The following LRRK1 variants were observed in gnomAD, a reference collection of about 807,000 sequenced individuals.
LRRK1 encodes leucine-rich repeat serine/threonine-protein kinase 1.
Under a neutral mutation model 209.1 loss-of-function variants are expected in LRRK1, and 113 were observed. The ratio of observed to expected loss-of-function variants is 0.54; its 90% confidence interval spans 0.46 to 0.63. LRRK1 has a LOEUF of 0.63. LRRK1 is among the 30% of genes least tolerant of loss of function. The pLI is 0.00. For missense variants in LRRK1, 2,284 were observed against 2,632.2 expected, an observed-to-expected ratio of 0.87 and a Z score of 2.89; for synonymous variants, 1,144 against 1,099.7, an observed-to-expected ratio of 1.04 and a Z score of -0.80.
chr15:100,972,838 G>C (rs1421929116), intron 2 of LRRK1, among the ~76,000 whole-genome samples: 1 of 152,088 alleles, frequency 6.6e-6, no homozygotes, highest in African/African-American at 2.4e-5. Context: ...AATACCTATG[G>C]AGAGAAAGCT....
intron 1 of LRRK1, among the ~76,000 whole-genome samples, chr15:100,921,208 G>T (rs555528519): frequency 2.0e-5 from 3 of 152,150 alleles, no homozygotes; most frequent in African/African-American, 7.2e-5. Flanking sequence ...GAGATACCCC[G>T]TGCATGGTGG....
rs1232533272 is a variant in LRRK1 at position 101,014,355 on chromosome 15, G to T, written c.1459G>T (p.Ala487Ser). 1.9e-6 allele frequency: 3 copies of T among 1,613,784 alleles called. No homozygotes were observed. The highest frequency in any genetic ancestry group is 2.5e-6 in the Non-Finnish European group (3 of 1,179,926). ...GAGGTTACAGGGGAACCAGCTGGCG[G>T]CACTTCCACCTCAAGAGAAGTGGAC... ...FLRLQGNQLA[A>S]LPPQEKWTCR... Residue 487 changes from alanine to serine, a missense_variant, in exon 11 of 34, where the codon GCA becomes TCA. Ala to Ser is a moderately conservative substitution (Grantham distance 99, BLOSUM62 1). Coordinates refer to ENST00000388948, the MANE Select transcript of LRRK1 (RefSeq NM_024652.6).
chr15:101,013,521 G>A (rs1351328977), intron 10 of LRRK1, among the ~76,000 whole-genome samples: 1 of 152,132 alleles, frequency 6.6e-6, no homozygotes, highest in African/African-American at 2.4e-5. Flanking sequence ...GGCCAAAATG[G>A]GGGGACTGCT....
chr15:100,972,740 T>C (rs2031001513), intron 2 of LRRK1, among the ~76,000 whole-genome samples: 1 of 152,152 alleles, frequency 6.6e-6, no homozygotes, highest in Admixed American at 6.5e-5. Context: ...ATTTGCTTGG[T>C]CACCTTTCAC....
At chr15:101,049,834 G>GAATC (rs2035301080) in intron 23 of LRRK1, 51 bp downstream of exon 23, 1 of 1,576,818 alleles carries the variant, frequency 6.3e-7, no homozygotes, top group African/African-American at 1.4e-5. Context: ...TATTTCTTAT[G>GAATC]AATCAGGGTG....
intron 20 of LRRK1, among the ~76,000 whole-genome samples, chr15:101,038,883 G>C (rs1050537219): frequency 1.3e-5 from 2 of 152,128 alleles, no homozygotes; most frequent in African/African-American, 4.8e-5. Context: ...CATCTTTTAA[G>C]CACACTTGTG....
intron 2 of LRRK1, among the ~76,000 whole-genome samples, chr15:100,948,528 T>G (rs1472443728): frequency 6.6e-6 from 1 of 152,268 alleles, no homozygotes; most frequent in Non-Finnish European, 1.5e-5. Context: ...TGCAAATTTT[T>G]TTTTCTAAGT....
chr15:100,978,394 G>A (rs2031415277), intron 3 of LRRK1, among the ~76,000 whole-genome samples: 1 of 152,168 alleles, frequency 6.6e-6, no homozygotes, highest in African/African-American at 2.4e-5. Context: ...GATTCAAGAA[G>A]TTGAAAACAA....
chr15:101,077,980 A>C lies in LRRK1; in HGVS notation c.*9132A>C, dbSNP rs2141182578. 1 of 153,460 alleles carries C rather than the reference A, an allele frequency of 6.5e-6. No individual in the cohort carries two copies. The highest frequency in any genetic ancestry group is 2.0e-4 in the South Asian group (1 of 4,900). The allele number at this position is 153,460 out of a possible 1,614,324, so 9.5% of individuals were successfully genotyped here. A position where few individuals can be genotyped will look rare whatever the true frequency, so the allele number is the denominator to read the frequency against. ...CCACCTTAACTGATGACATTCCACC[A>C]CAAAAGAAGTGTAAATGGCTGGTTC... On this transcript the variant is annotated 3_prime_UTR_variant, in exon 34 of 34. Transcript: ENST00000388948.
rs76050493 is a variant in LRRK1 at position 101,008,535 on chromosome 15, C to T, written c.763-302C>T. Among the ~76,000 whole-genome samples, 846 of 152,294 alleles carry T rather than the reference C, an allele frequency of 5.6e-3. 9 individuals carry two copies. The highest frequency in any genetic ancestry group is 0.019 in the African/African-American group (800 of 41,558). On this transcript the variant is annotated intron_variant, in intron 6 of 33. Transcript: ENST00000388948. The stretch of plus-strand genomic sequence containing the variant: ...TCCCGCCGCGCTCTTCCCTGTGAGC[C>T]GCCTCTTGAGGGGCGGCACTGAGCC...
chr15:101,057,565 T>C (rs1451605208), intron 28 of LRRK1, among the ~76,000 whole-genome samples: 3 of 152,208 alleles, frequency 2.0e-5, no homozygotes, highest in African/African-American at 4.8e-5. Context: ...ACGCATGTCC[T>C]TATCTGGGCA....
chr15:101,002,456 G>C (rs1011513347), intron 6 of LRRK1, among the ~76,000 whole-genome samples: 1 of 152,240 alleles, frequency 6.6e-6, no homozygotes, highest in African/African-American at 2.4e-5. Context: ...GCTCATGCTT[G>C]AAAAACCAAC....
intron 6 of LRRK1, among the ~76,000 whole-genome samples, chr15:100,996,031 G>A (rs1382190053): frequency 3.3e-5 from 5 of 152,232 alleles, no homozygotes; most frequent in Admixed American, 6.5e-5. Flanking sequence ...TAAGGCAGGC[G>A]TTTTACTGGG....
chr15:100,986,963 A>T (rs375121020), intron 4 of LRRK1, among the ~76,000 whole-genome samples: 10 of 152,306 alleles, frequency 6.6e-5, no homozygotes, highest in African/African-American at 2.4e-4. Flanking sequence ...CATGGTCCTG[A>T]AATATAATGC....
Position 101,066,171 on chromosome 15 carries a change from A to C in LRRK1, c.5734A>C (p.Ile1912Leu), listed in dbSNP as rs1237101451. 1 of 1,612,476 alleles carries C rather than the reference A, an allele frequency of 6.2e-7. No homozygotes were observed. Among genetic ancestry groups the C allele is most frequent in the Admixed American group, 1.7e-5 (1 of 59,982 alleles). Residue 1912 changes from isoleucine (I) to leucine (L), a missense_variant, in exon 32 of 34, where the codon ATC (isoleucine) becomes CTC (leucine). Physicochemically the swap from Ile to Leu is conservative, Grantham distance 5. This residue lies in a region of LRRK1 where 643 missense variants were observed against 695.9 expected (regional missense o/e 0.92). Coordinates refer to ENST00000388948, the MANE Select transcript of LRRK1 (RefSeq NM_024652.6). ...TFSQHLQAVK[I>L]LAVRDLIWVP... The stretch of plus-strand genomic sequence containing the variant: ...CAGCCAGCACCTGCAGGCCGTGAAG[A>C]TCCTCGCCGTCAGAGACCTCATTTG...
chr15:101,022,333 T>G lies in LRRK1; in HGVS notation c.1853-50T>G, dbSNP rs764239013. 6.5e-7 allele frequency: 1 copy of G among 1,540,120 alleles called. No homozygotes were observed. The highest frequency in any genetic ancestry group is 1.7e-5 in the Admixed American group (1 of 59,620). ...CAACAGGATTTTGTGTCCTAAGAGA[T>G]GTGAGCATGTGCCCACGCAGCTACC... On this transcript the variant is annotated intron_variant, in intron 14 of 33. Transcript: ENST00000388948. This position sits in a 1 kb window ranked among gnomAD's most constrained non-coding sequence, Gnocchi z 4.0.
intron 20 of LRRK1, among the ~76,000 whole-genome samples, chr15:101,037,496 A>C (rs1014019293): frequency 3.3e-5 from 5 of 152,182 alleles, no homozygotes; most frequent in African/African-American, 7.2e-5. Context: ...TGGTGTGTAC[A>C]GGTACCAGCC....
At position 100,990,914 on chromosome 15, in the gene LRRK1, T is replaced by C. The variant is rs147052101; in HGVS notation, c.762+1516T>C. 5.1e-3 allele frequency among the ~76,000 whole-genome samples: 774 copies of C among 152,346 alleles called. 4 individuals are homozygous for C. The highest frequency in any genetic ancestry group is 8.7e-3 in the Non-Finnish European group (591 of 68,030). ...GAAGGCCACTTTCCCTCTAATTTTA[T>C]TTCAGTATTCTCCTGGAGTTCCTTG... On this transcript the variant is annotated intron_variant, in intron 6 of 33. Coordinates refer to ENST00000388948, the MANE Select transcript of LRRK1 (RefSeq NM_024652.6).
intron 20 of LRRK1, among the ~76,000 whole-genome samples, chr15:101,036,140 C>T (rs889687390): frequency 2.2e-4 from 33 of 152,176 alleles, no homozygotes; most frequent in African/African-American, 8.0e-4. Context: ...CCTTGCTAGA[C>T]GTAGGAAGTT....
Sources: gnomAD v4.1 joint callset for allele counts (sites outside exome capture counted in the v4.1 genomes callset) on GRCh38, gnomAD v4.1.1 for gene constraint, gnomAD v4.1.1 regional missense constraint, Gnocchi (gnomAD v3.1) non-coding constraint, MANE v1.5 for transcripts, NCBI Gene and HGNC (gene_info 2026-07-23, HGNC 2026-07-21) for gene names.